Variants in PCDHGA3 observed in about 807,000 individuals in gnomAD.
PCDHGA3 encodes protocadherin gamma-A3.
In PCDHGA3, 40 loss-of-function variants were observed where a neutral mutation model predicts 58.5. The ratio of observed to expected loss-of-function variants is 0.68; its 90% CI spans 0.53 to 0.89. The LOEUF (loss-of-function observed/expected upper bound fraction) is 0.89. Ranked by LOEUF, PCDHGA3 falls within the 40% of genes least tolerant of loss-of-function variation. PCDHGA3 has a pLI of 0.00. For synonymous variants in PCDHGA3, 530 were observed against 525.7 expected, an observed-to-expected ratio of 1.01 and a Z score of -0.11; for missense variants, 1,223 against 1,195.9, an observed-to-expected ratio of 1.02 and a Z score of -0.33.
intron 1 of PCDHGA3, chr5:141,366,250 G>A (rs1476743784): frequency 6.2e-7 from 1 of 1,613,746 alleles, no homozygotes; most frequent in Non-Finnish European, 8.5e-7. Flanking sequence ...CGCTCAAGCA[G>A]AGCCTCGTGG....
chr5:141,355,431 G>T, intron 1 of PCDHGA3: 2 of 1,614,100 alleles, frequency 1.2e-6, no homozygotes, highest in Non-Finnish European at 1.7e-6. Context: ...TTTTCGCCCT[G>T]AACCCGCGCA....
chr5:141,375,245 A>G (rs768962763), intron 1 of PCDHGA3: 6 of 1,613,950 alleles, frequency 3.7e-6, no homozygotes, highest in Non-Finnish European at 8.5e-7. Flanking sequence ...TTCCATCCCG[A>G]GAAGTCTCCC....
Position 141,350,577 on chromosome 5 carries a change from T to C in PCDHGA3, c.2424+4120T>C, listed in dbSNP as rs748844855. The C allele has an allele frequency of 3.8e-5, 62 of 1,613,926 alleles. No homozygotes were observed. The Admixed American group carries it at 1.0e-3, about 27-fold the overall frequency. ...GAGTGTGCACTAGAATTCGAAACGGTCGCTGAAAACCCAATGAATGTTTTC... is the reference window on the plus strand; with the variant it reads ...GAGTGTGCACTAGAATTCGAAACGGCCGCTGAAAACCCAATGAATGTTTTC... On this transcript the variant is annotated intron_variant, in intron 1 of 3. Transcript: ENST00000253812.
At chr5:141,508,383 T>C (rs1169318572) in intron 3 of PCDHGA3, 1 of 152,236 alleles carries the variant, frequency 6.6e-6, no homozygotes, top group Non-Finnish European at 1.5e-5. Flanking sequence ...CTCAGATTTA[T>C]AGATGGGAAA....
intron 1 of PCDHGA3, among the ~76,000 whole-genome samples, chr5:141,468,747 T>A (rs2099176715): frequency 6.6e-6 from 1 of 151,990 alleles, no homozygotes; most frequent in South Asian, 2.1e-4. Context: ...GTGCCTGTAG[T>A]CCCAGCTACT....
intron 1 of PCDHGA3, among the ~76,000 whole-genome samples, chr5:141,425,997 A>T (rs1365887915): frequency 6.6e-6 from 1 of 152,174 alleles, no homozygotes; most frequent in African/African-American, 2.4e-5. Context: ...GAATTAGCAA[A>T]GGCTTCCGGC....
At chr5:141,366,048 C>G (rs777611384) in intron 1 of PCDHGA3, 4 of 1,614,262 alleles carry the variant, frequency 2.5e-6, no homozygotes, top group Middle Eastern at 1.6e-4. Context: ...GACGGTTCCA[C>G]GGGCGTGGAG....
chr5:141,427,377 A>C, intron 1 of PCDHGA3: 1 of 458,500 alleles, frequency 2.2e-6, no homozygotes, highest in Non-Finnish European at 4.4e-6. Flanking sequence ...GACGGTGATC[A>C]CTCTGTTCAA....
At chr5:141,355,314 G>A in intron 1 of PCDHGA3, 1 of 1,613,954 alleles carries the variant, frequency 6.2e-7, no homozygotes, top group Non-Finnish European at 8.5e-7. Flanking sequence ...TGTTTGAGGA[G>A]CAGGAAGAAG....
chr5:141,365,498 T>A, intron 1 of PCDHGA3: 1 of 1,613,936 alleles, frequency 6.2e-7, no homozygotes, highest in Non-Finnish European at 8.5e-7. Flanking sequence ...TCCTAGGAAT[T>A]TGCCTTTTAA....
rs761098701 is a variant in PCDHGA3, at chr5:141,344,220, G to C, written c.187G>C (p.Gly63Arg). 21 of 1,614,036 alleles carry C rather than the reference G, an allele frequency of 1.3e-5. No homozygotes were observed. The highest frequency in any genetic ancestry group is 1.6e-5 in the Non-Finnish European group (19 of 1,179,914). The change falls in exon 1 of 4, where the codon GGA (glycine) becomes CGA (arginine). Residue 63 changes from glycine to arginine, a missense_variant. This residue lies in a region of PCDHGA3 where 791 missense variants were observed against 708.5 expected (regional missense o/e 1.12). Coordinates refer to ENST00000253812, the MANE Select transcript of PCDHGA3 (RefSeq NM_018916.4). The stretch of plus-strand genomic sequence containing the variant: ...AGAGCCCCGGGAGCTGGCGGAGCGC[G>C]GAGTCCGCATCGTCTCCAGAGGTAG... ...GLEPRELAER[G>R]VRIVSRGRTQ...
chr5:141,483,133 T>C (rs1263073911), intron 1 of PCDHGA3, among the ~76,000 whole-genome samples: 25 of 152,142 alleles, frequency 1.6e-4, no homozygotes, highest in South Asian at 1.2e-3. Flanking sequence ...GGAGATGAGG[T>C]GAAGCAAGTA....
chr5:141,393,984 C>T (rs1176875822), intron 1 of PCDHGA3: 1 of 1,613,570 alleles, frequency 6.2e-7, no homozygotes, highest in Non-Finnish European at 8.5e-7. Flanking sequence ...TGATAATTTA[C>T]CTTTTAAATT....
At chr5:141,444,621 G>A (rs1265458898) in intron 1 of PCDHGA3, among the ~76,000 whole-genome samples, 1 of 152,132 alleles carries the variant, frequency 6.6e-6, no homozygotes, top group Non-Finnish European at 1.5e-5. Flanking sequence ...CATGTGGCAT[G>A]ATGCACCAGT....
At chr5:141,464,116 T>A (rs1195883274) in intron 1 of PCDHGA3, among the ~76,000 whole-genome samples, 1 of 151,922 alleles carries the variant, frequency 6.6e-6, no homozygotes, top group African/African-American at 2.4e-5. Context: ...AATACAAAAA[T>A]TAGCTGGGTG....
chr5:141,410,399 G>A, intron 1 of PCDHGA3: 1 of 1,614,044 alleles, frequency 6.2e-7, no homozygotes. Flanking sequence ...TGGTCTCTGT[G>A]TCAAGTCTGG....
At chr5:141,362,593 A>G (rs777823530) in intron 1 of PCDHGA3, 1 of 1,589,406 alleles carries the variant, frequency 6.3e-7, no homozygotes, top group Non-Finnish European at 8.6e-7. Context: ...TTCTGGTTTT[A>G]TTGTTTCACC....
At chr5:141,374,589 G>A (rs1385892757) in intron 1 of PCDHGA3, 1 of 1,613,676 alleles carries the variant, frequency 6.2e-7, no homozygotes, top group Non-Finnish European at 8.5e-7. Context: ...TCCCTTCAGG[G>A]ATTTAAGCTC....
intron 1 of PCDHGA3, chr5:141,423,389 A>G (rs568843632): frequency 2.5e-6 from 4 of 1,614,160 alleles, no homozygotes; most frequent in Admixed American, 1.7e-5. Flanking sequence ...TGGCGCTGGC[A>G]TAAGTCACGC....
Sources: allele counts gnomAD v4.1 joint callset (sites outside exome capture counted in the v4.1 genomes callset), GRCh38; gene constraint gnomAD v4.1.1; regional missense constraint gnomAD v4.1.1; transcripts MANE v1.5; gene names NCBI Gene and HGNC (gene_info 2026-07-23, HGNC 2026-07-21).